Variants in GSKIP observed in about 807,000 individuals in gnomAD.
The protein encoded by GSKIP is GSK3B interacting protein, also known as GSK3B-interacting protein.
A neutral mutation model predicts 11.9 loss-of-function variants in GSKIP; 5 were observed. That is an observed-to-expected ratio of 0.42 (90% CI 0.22 to 0.89). GSKIP has a LOEUF of 0.89. Among genes scored for constraint, GSKIP ranks in the 40% least tolerant of loss-of-function variants. The probability of loss-of-function intolerance (pLI) is 0.29; values close to 1 mark genes in which losing one functional copy is unlikely to be tolerated. For synonymous variants in GSKIP, 70 were observed against 62.9 expected, an observed-to-expected ratio of 1.11 and a Z score of -0.54; for missense variants, 150 against 166.6, an observed-to-expected ratio of 0.90 and a Z score of 0.55.
intron 1 of GSKIP, among the ~76,000 whole-genome samples, chr14:96,370,029 G>A (rs767231307): frequency 3.9e-5 from 6 of 152,212 alleles, no homozygotes; most frequent in Non-Finnish European, 7.3e-5. Flanking sequence ...TCATACTGCT[G>A]TGCCAGGATG....
intron 1 of GSKIP, among the ~76,000 whole-genome samples, chr14:96,371,030 CAT>C (rs1256056695): frequency 2.7e-4 from 41 of 152,166 alleles, no homozygotes; most frequent in Admixed American, 2.0e-4. Context: ...TGATACTACA[CAT>C]GATTCTGAAT....
At chr14:96,374,961 T>G (rs773688008) in intron 1 of GSKIP, among the ~76,000 whole-genome samples, 2 of 152,190 alleles carry the variant, frequency 1.3e-5, no homozygotes, top group African/African-American at 2.4e-5. Context: ...GAAAAATAAT[T>G]GACTCTTTAA....
At chr14:96,377,768 C>A (rs1247210751) in intron 1 of GSKIP, among the ~76,000 whole-genome samples, 2 of 152,170 alleles carry the variant, frequency 1.3e-5, no homozygotes, top group Admixed American at 6.5e-5. Flanking sequence ...TTTTCAAACT[C>A]CTTGAGAGAG....
At chr14:96,368,411 C>G (rs1352230709) in intron 1 of GSKIP, among the ~76,000 whole-genome samples, 4 of 152,176 alleles carry the variant, frequency 2.6e-5, no homozygotes, top group Non-Finnish European at 4.4e-5. Flanking sequence ...CTCAAGCAAT[C>G]CACCCACCTT....
At chr14:96,373,600 T>TA (rs78536117) in intron 1 of GSKIP, among the ~76,000 whole-genome samples, 358 of 144,302 alleles carry the variant, frequency 2.5e-3, no homozygotes, top group African/African-American at 5.8e-3. Flanking sequence ...GTTCTTCCAT[T>TA]AAAAAAAAAA....
chr14:96,382,429 A>G lies in GSKIP; in HGVS notation c.182A>G (p.Asp61Gly). The G allele has an allele frequency of 1.9e-6, 3 of 1,613,362 alleles. No homozygotes were observed. The highest frequency in any genetic ancestry group is 4.5e-5 in the East Asian group (2 of 44,876). The change falls in exon 3 of 4, where the codon GAT (aspartate) becomes GGT (glycine). Residue 61 changes from aspartate (D) to glycine (G), a missense_variant. By Grantham distance (94) the Asp-to-Gly change is moderately conservative. Transcript: ENST00000555181. ...GTCTCGAAAAGCCTGCGGTGTGCGG[A>G]TGATGTGGCCTATATCAATGTGGAA... is the stretch of plus-strand genomic sequence containing the variant. ...MFVSKSLRCA[D>G]DVAYINVETK...
At chr14:96,379,152 G>C (rs1485289365) in intron 1 of GSKIP, 3 of 152,074 alleles carry the variant, frequency 2.0e-5, no homozygotes, top group African/African-American at 7.2e-5. Flanking sequence ...ACCTTGTCTT[G>C]ACTAAAAATA....
intron 3 of GSKIP, among the ~76,000 whole-genome samples, chr14:96,383,221 G>A (rs963122421): frequency 6.6e-6 from 1 of 152,104 alleles, no homozygotes; most frequent in Non-Finnish European, 1.5e-5. Flanking sequence ...ACCAGCCTGG[G>A]CAGCATAGCA....
intron 1 of GSKIP, among the ~76,000 whole-genome samples, chr14:96,372,510 G>A (rs79543291): frequency 2.6e-5 from 4 of 152,298 alleles, no homozygotes; most frequent in South Asian, 2.1e-4. Context: ...CTTCAAAGTC[G>A]TGTTAAAATA....
chr14:96,383,361 A>G (rs564076392), intron 3 of GSKIP, among the ~76,000 whole-genome samples: 5 of 152,070 alleles, frequency 3.3e-5, no homozygotes, highest in African/African-American at 1.2e-4. Context: ...GGATTGGGCC[A>G]CTATACTCCA....
At chr14:96,367,046 A>G (rs1378315783) in intron 1 of GSKIP, among the ~76,000 whole-genome samples, 2 of 152,214 alleles carry the variant, frequency 1.3e-5, no homozygotes, top group African/African-American at 4.8e-5. Flanking sequence ...TGTAAAGAGC[A>G]CCTAACTTGG....
chr14:96,383,893 G>C (rs1163857020), intron 3 of GSKIP, among the ~76,000 whole-genome samples: 2 of 152,164 alleles, frequency 1.3e-5, no homozygotes, highest in Non-Finnish European at 2.9e-5. Context: ...GAATTAGTAA[G>C]ATAATTCTGT....
Position 96,385,846 on chromosome 14 carries a change from G to C in GSKIP, c.*162G>C, listed in dbSNP as rs1889476696. On this transcript the variant is annotated 3_prime_UTR_variant, in exon 4 of 4. Coordinates refer to ENST00000555181, the MANE Select transcript of GSKIP (RefSeq NM_016472.5). ...TCAGAAGATTATTGAATAATGATTT[G>C]TCTTAGTTTCTGTTTCAGTAAGGGA... 2 of 569,692 alleles carry C rather than the reference G, an allele frequency of 3.5e-6. No homozygotes were observed. The highest frequency in any genetic ancestry group is 6.1e-6 in the Non-Finnish European group (2 of 329,422). 35.3% of individuals were successfully genotyped at this position (569,692 alleles called of 1,614,324 possible). A position where few individuals can be genotyped will look rare whatever the true frequency, so the allele number is the denominator to read the frequency against.
intron 1 of GSKIP, among the ~76,000 whole-genome samples, chr14:96,366,127 C>A (rs528508552): frequency 6.6e-6 from 1 of 152,020 alleles, no homozygotes; most frequent in East Asian, 1.9e-4. Flanking sequence ...AATAATAATT[C>A]TAATATTTGC....
chr14:96,382,650 T>G (rs1889380525), intron 3 of GSKIP, 145 bp downstream of exon 3: 1 of 483,686 alleles, frequency 2.1e-6, no homozygotes. Context: ...ACTTTTAACC[T>G]AGAAATTTTT....
At chr14:96,379,421 G>C (rs1004127038) in intron 1 of GSKIP, among the ~76,000 whole-genome samples, 2 of 152,170 alleles carry the variant, frequency 1.3e-5, no homozygotes, top group African/African-American at 4.8e-5. Flanking sequence ...TACGGGAAGG[G>C]AGCATTATGG....
intron 2 of GSKIP, 102 bp from the exon 3 acceptor site, chr14:96,382,145 A>C (rs1889360338): frequency 5.4e-6 from 4 of 735,852 alleles, no homozygotes; most frequent in Non-Finnish European, 6.4e-6. Flanking sequence ...AGTGTTTTGT[A>C]CTAAGGAGCA....
At chr14:96,379,425 A>G (rs1182841009) in intron 1 of GSKIP, among the ~76,000 whole-genome samples, 1 of 152,222 alleles carries the variant, frequency 6.6e-6, no homozygotes, top group Non-Finnish European at 1.5e-5. Flanking sequence ...GGAAGGGAGC[A>G]TTATGGTTGC....
At position 96,382,393 on chromosome 14, in the gene GSKIP, A is replaced by G. The variant is rs772300147; in HGVS notation, c.146A>G (p.Asn49Ser). 1.9e-6 allele frequency: 3 copies of G among 1,613,940 alleles called. No homozygotes were observed. The highest frequency in any genetic ancestry group is 2.5e-6 in the Non-Finnish European group (3 of 1,179,946). Residue 49 changes from asparagine to serine, a missense_variant, in exon 3 of 4, where the codon AAC (asparagine) becomes AGC (serine). Asn to Ser is a conservative substitution (Grantham distance 46). Coordinates refer to ENST00000555181, the MANE Select transcript of GSKIP (RefSeq NM_016472.5). ...AVVNDVLFAV[N>S]NMFVSKSLRC... ...GTAAATGATGTTCTCTTTGCTGTTA[A>G]CAACATGTTTGTCTCGAAAAGCCTG...
Sources: allele counts gnomAD v4.1 joint callset (sites outside exome capture counted in the v4.1 genomes callset), GRCh38; gene constraint gnomAD v4.1.1; transcripts MANE v1.5; gene names NCBI Gene and HGNC (gene_info 2026-07-23, HGNC 2026-07-21).